The following SRBD1 variants were observed in gnomAD, a reference collection of about 807,000 sequenced individuals.
SRBD1 encodes S1 RNA binding domain 1.
SRBD1 carries 88 observed loss-of-function variants against 115.3 expected under a neutral mutation model. The observed-to-expected ratio is 0.76, with a 90% CI of 0.64 to 0.91. The LOEUF (loss-of-function observed/expected upper bound fraction) is 0.91. SRBD1 is among the 40% of genes least tolerant of loss of function. The pLI is 0.00. For synonymous variants in SRBD1, 509 were observed against 407.7 expected (o/e 1.25, Z -2.99); for missense variants, 1,385 against 1,177.4 (o/e 1.18, Z -2.58).
intron 16 of SRBD1, among the ~76,000 whole-genome samples, chr2:45,439,964 T>G (rs1276590017): frequency 6.6e-6 from 1 of 152,158 alleles, no homozygotes; most frequent in African/African-American, 2.4e-5. Context: ...CACTGCAATC[T>G]GATAGCAGAT....
chr2:45,490,665 A>C (rs1670265091), intron 14 of SRBD1, among the ~76,000 whole-genome samples: 1 of 152,130 alleles, frequency 6.6e-6, no homozygotes, highest in African/African-American at 2.4e-5. Context: ...ATTCCAATTA[A>C]CTGTGGTTGT....
chr2:45,546,875 A>C, intron 13 of SRBD1, 36 bp from the exon 14 acceptor site: 5 of 1,587,980 alleles, frequency 3.1e-6, no homozygotes, highest in African/African-American at 1.3e-5. Flanking sequence ...ACTGAATTTC[A>C]AGGCATGCTT....
At chr2:45,492,293 C>T (rs774269864) in intron 14 of SRBD1, among the ~76,000 whole-genome samples, 1 of 152,082 alleles carries the variant, frequency 6.6e-6, no homozygotes, top group Non-Finnish European at 1.5e-5. Flanking sequence ...GTTGATGAAC[C>T]GTTTAAAACT....
chr2:45,391,021 C>T (rs186543866), intron 20 of SRBD1, among the ~76,000 whole-genome samples: 6 of 152,236 alleles, frequency 3.9e-5, no homozygotes, highest in Admixed American at 1.3e-4. Context: ...AGAGGTAGGA[C>T]GGGTCTCCGA....
intron 14 of SRBD1, among the ~76,000 whole-genome samples, chr2:45,508,437 T>A (rs950119022): frequency 1.3e-5 from 2 of 152,178 alleles, no homozygotes; most frequent in Non-Finnish European, 2.9e-5. Context: ...GCATAAAGCC[T>A]CCATTCCAAA....
chr2:45,574,647 C>T lies in SRBD1; in HGVS notation c.1149G>A (p.Thr383=), dbSNP rs188414746. 50 of 1,613,420 alleles carry T rather than the reference C, an allele frequency of 3.1e-5. No homozygotes were observed. The highest frequency in any genetic ancestry group is 3.8e-5 in the Non-Finnish European group (45 of 1,179,734). Residue 383 remains threonine (T), a synonymous_variant, in exon 8 of 21, where the codon ACG becomes ACA. Transcript: ENST00000263736. The part of the protein sequence containing the change: ...LADMIAKDKD[T]LDFIRNLCQK... ...CTCACAAGTTCCGAATGAAGTCAAG[C>T]GTGTCTTTGTCTTTAGCAATCATAT... is the stretch of plus-strand genomic sequence containing the variant.
chr2:45,591,358 C>T (rs2104219412), intron 4 of SRBD1, among the ~76,000 whole-genome samples: 1 of 152,344 alleles, frequency 6.6e-6, no homozygotes, highest in South Asian at 2.1e-4. Flanking sequence ...TCCTGACTCA[C>T]TGGCCCCCTA....
At chr2:45,596,724 T>C (rs533958977) in intron 4 of SRBD1, among the ~76,000 whole-genome samples, 2 of 152,234 alleles carry the variant, frequency 1.3e-5, no homozygotes, top group Non-Finnish European at 2.9e-5. Flanking sequence ...TATAAATAAA[T>C]GGTAAGTATT....
chr2:45,608,213 C>T (rs1402451870), intron 1 of SRBD1, among the ~76,000 whole-genome samples: 1 of 152,160 alleles, frequency 6.6e-6, no homozygotes, highest in African/African-American at 2.4e-5. Flanking sequence ...TTCCAACTGC[C>T]TCTTTATAAG....
intron 14 of SRBD1, among the ~76,000 whole-genome samples, chr2:45,501,216 T>C (rs919143362): frequency 3.3e-5 from 5 of 152,234 alleles, no homozygotes; most frequent in African/African-American, 1.2e-4. Context: ...CATCCTTGCA[T>C]ACTTGGGATG....
chr2:45,479,251 CAAGTAA>C (rs1488434074), intron 15 of SRBD1, among the ~76,000 whole-genome samples: 2 of 152,000 alleles, frequency 1.3e-5, no homozygotes, highest in African/African-American at 4.8e-5. Context: ...CTTAAGTGTT[CAAGTAA>C]AAGGAAGAGT....
chr2:45,560,345 C>T (rs1267688931), intron 10 of SRBD1, among the ~76,000 whole-genome samples: 4 of 152,134 alleles, frequency 2.6e-5, no homozygotes, highest in Admixed American at 6.5e-5. Context: ...GACTCTGATA[C>T]TGAGTATTAT....
At chr2:45,521,050 C>G (rs1671266018) in intron 14 of SRBD1, among the ~76,000 whole-genome samples, 1 of 152,148 alleles carries the variant, frequency 6.6e-6, no homozygotes, top group African/African-American at 2.4e-5. Flanking sequence ...CACTTGGGCT[C>G]CTGCAACTGT....
Position 45,389,614 on chromosome 2 carries a change from A to AC in SRBD1, c.2699-16_2699-15insG. 6.2e-7 allele frequency: 1 copy of AC among 1,607,684 alleles called. No homozygotes were observed. The highest frequency in any genetic ancestry group is 8.5e-7 in the Non-Finnish European group (1 of 1,177,208). On this transcript the variant is annotated splice_polypyrimidine_tract_variant and intron_variant, in intron 20 of 20. Coordinates refer to ENST00000263736, the MANE Select transcript of SRBD1 (RefSeq NM_018079.5). ...TTTATCAAAATCTGTAAGAGAAAAA[A>AC]AGTAAGTGTAAATAAGGCATTGTAC...
chr2:45,418,685 A>AAC lies in SRBD1; in HGVS notation c.2157-145_2157-144insGT, dbSNP rs1374437396. ...AATCCAAAAGGGAGTTTAAAAAAAA[A>AAC]AACAAAAAAAAAACGGAGAAAAAAA... On this transcript the variant is annotated intron_variant, in intron 17 of 20. Coordinates refer to ENST00000263736, the MANE Select transcript of SRBD1 (RefSeq NM_018079.5). 555 of 752,330 alleles carry AAC rather than the reference A, an allele frequency of 7.4e-4. 1 individual carries two copies. The highest frequency in any genetic ancestry group is 3.2e-3 in the East Asian group (90 of 28,462). The allele number at this position is 752,330 out of a possible 1,614,324, so 46.6% of individuals were successfully genotyped here.
At position 45,458,573 on chromosome 2, in the gene SRBD1, G is replaced by GA. The variant is rs151028926; in HGVS notation, c.2049+18419dup. ...CTTCAAAATTAGAACAGTGTTTTAAGAAAAAAGACAAAGACAGAAACAAGC... is the reference window on the plus strand; with the variant it reads ...CTTCAAAATTAGAACAGTGTTTTAAGAAAAAAAGACAAAGACAGAAACAAGC... On this transcript the variant is annotated intron_variant, in intron 16 of 20. Coordinates refer to ENST00000263736, the MANE Select transcript of SRBD1 (RefSeq NM_018079.5). 3.0e-3 allele frequency among the ~76,000 whole-genome samples: 451 copies of GA among 152,154 alleles called. 1 individual carries two copies. The highest frequency in any genetic ancestry group is 0.01 in the African/African-American group (422 of 41,518).
chr2:45,389,578 T>C lies in SRBD1; in HGVS notation c.2720A>G (p.Lys907Arg). The C allele has an allele frequency of 6.2e-7, 1 of 1,613,156 alleles. No individual in the cohort carries two copies. Among genetic ancestry groups the C allele is most frequent in the Non-Finnish European group, 8.5e-7 (1 of 1,179,584 alleles). The change falls in exon 21 of 21, where the codon AAG becomes AGG. Residue 907 changes from lysine (K) to arginine (R), a missense_variant. Lys to Arg is a conservative substitution (Grantham distance 26). Coordinates refer to ENST00000263736, the MANE Select transcript of SRBD1 (RefSeq NM_018079.5). ...FRTDFDKPDF[K>R]RSIVCLEDLQ... ...ATCTTCCAGGCATACTATGCTTCTC[T>C]TGAAATCAGGTTTATCAAAATCTGT...
At chr2:45,427,538 C>A (rs1370504138) in intron 16 of SRBD1, among the ~76,000 whole-genome samples, 1 of 152,130 alleles carries the variant, frequency 6.6e-6, no homozygotes, top group Non-Finnish European at 1.5e-5. Context: ...AAGGGAATTA[C>A]AAAATGGTAA....
At position 45,574,567 on chromosome 2, in the gene SRBD1, C is replaced by T. The variant is rs1673118479; in HGVS notation, c.1169+60G>A. The stretch of plus-strand genomic sequence containing the variant: ...AATGAACATTGGTATTAGCACTAAC[C>T]GTGTGACCCTTAACAGCATGAGTCC... On this transcript the variant is annotated intron_variant, in intron 8 of 20. Transcript: ENST00000263736. 6.0e-6 allele frequency: 9 copies of T among 1,489,626 alleles called. No homozygotes were observed. The East Asian group carries it at 1.1e-4, about 19-fold the overall frequency. 92.3% of individuals were successfully genotyped at this position (1,489,626 alleles called of 1,614,324 possible). A position where few individuals can be genotyped will look rare whatever the true frequency, so the allele number is the denominator to read the frequency against.
Sources: allele counts gnomAD v4.1 joint callset (sites outside exome capture counted in the v4.1 genomes callset), GRCh38; gene constraint gnomAD v4.1.1; transcripts MANE v1.5; gene names NCBI Gene and HGNC (gene_info 2026-07-23, HGNC 2026-07-21).